BNC2: variants seen among roughly 807,000 people sequenced by gnomAD.
The protein encoded by BNC2 is basonuclin zinc finger protein 2, also known as zinc finger protein basonuclin-2.
In BNC2, 20 loss-of-function variants were observed where a neutral mutation model predicts 76.3. That is an observed-to-expected ratio of 0.26 (90% CI 0.18 to 0.38). The LOEUF (loss-of-function observed/expected upper bound fraction) is 0.38. Ranked by LOEUF, BNC2 falls within the 10% of genes least tolerant of loss-of-function variation. The pLI is 1.00. For synonymous variants in BNC2, 582 were observed against 514.8 expected (o/e 1.13, Z -1.77); for missense variants, 1,382 against 1,399.8 (o/e 0.99, Z 0.20).
chr9:16,846,172 A>G (rs899056953), intron 1 of BNC2, among the ~76,000 whole-genome samples: 1 of 151,986 alleles, frequency 6.6e-6, no homozygotes, highest in East Asian at 1.9e-4. Flanking sequence ...TTAGTATAAA[A>G]TTAAAAAGAG....
intron 3 of BNC2, among the ~76,000 whole-genome samples, chr9:16,595,471 T>A (rs1820040083): frequency 6.6e-6 from 1 of 152,142 alleles, no homozygotes; most frequent in Non-Finnish European, 1.5e-5. Flanking sequence ...CATAAATCAA[T>A]GAAGGCACAT....
chr9:16,710,175 T>C (rs751211917), intron 3 of BNC2, among the ~76,000 whole-genome samples: 2 of 152,058 alleles, frequency 1.3e-5, no homozygotes, highest in South Asian at 2.1e-4. Flanking sequence ...CTTCCCCTCC[T>C]ACACCTGGGC....
chr9:16,699,239 G>C (rs1447965965), intron 3 of BNC2: 1 of 469,806 alleles, frequency 2.1e-6, no homozygotes, highest in Non-Finnish European at 4.4e-6. Context: ...CCTAAATAAT[G>C]CAACAAAAAA....
chr9:16,544,901 G>T (rs1365581341), intron 5 of BNC2, among the ~76,000 whole-genome samples: 1 of 151,542 alleles, frequency 6.6e-6, no homozygotes, highest in African/African-American at 2.4e-5. Context: ...ATATTAATAA[G>T]AGTACTATGG....
chr9:16,792,330 A>G lies in BNC2; in HGVS notation c.4-53845T>C, dbSNP rs186119140. ...AGCAGTGAAGTCAGGATTTGAACTCAGGAAGTGTAACTCCGTAAGTGAAGT... is the reference window on the plus strand; with the variant it reads ...AGCAGTGAAGTCAGGATTTGAACTCGGGAAGTGTAACTCCGTAAGTGAAGT... On this transcript the variant is annotated intron_variant, in intron 1 of 6. Coordinates refer to ENST00000380672, the MANE Select transcript of BNC2 (RefSeq NM_017637.6). Among the ~76,000 whole-genome samples, 550 of 152,330 alleles carry G rather than the reference A, an allele frequency of 3.6e-3. 3 individuals are homozygous for G. Among genetic ancestry groups the G allele is most frequent in the African/African-American group, 0.012 (505 of 41,564 alleles).
chr9:16,456,331 A>G (rs1368387481), intron 5 of BNC2, among the ~76,000 whole-genome samples: 1 of 151,960 alleles, frequency 6.6e-6, no homozygotes, highest in Non-Finnish European at 1.5e-5. Flanking sequence ...TCTATGTTCA[A>G]TTTTCTTTGG....
At chr9:16,848,291 C>T (rs1819038718) in intron 1 of BNC2, among the ~76,000 whole-genome samples, 1 of 152,144 alleles carries the variant, frequency 6.6e-6, no homozygotes, top group South Asian at 2.1e-4. Flanking sequence ...AATGAAATTC[C>T]ATCGATGAAG....
intron 1 of BNC2, among the ~76,000 whole-genome samples, chr9:16,841,883 TAC>T: frequency 6.6e-6 from 1 of 151,678 alleles, no homozygotes; most frequent in Non-Finnish European, 1.5e-5. Context: ...AATCTCAGCT[TAC>T]TGCAACCTCC....
chr9:16,734,538 G>T (rs931420650), intron 2 of BNC2, among the ~76,000 whole-genome samples: 17 of 152,146 alleles, frequency 1.1e-4, no homozygotes, highest in African/African-American at 3.9e-4. Context: ...CCTTGACTGG[G>T]CATTTCAACA....
intron 1 of BNC2, among the ~76,000 whole-genome samples, chr9:16,838,495 A>G (rs1026822027): frequency 1.3e-5 from 2 of 152,188 alleles, no homozygotes; most frequent in African/African-American, 2.4e-5. Flanking sequence ...CCAGAAGCGG[A>G]GGTTGCAGTG....
chr9:16,512,559 TTGCATGA>T (rs1342454278), intron 5 of BNC2, among the ~76,000 whole-genome samples: 1 of 152,194 alleles, frequency 6.6e-6, no homozygotes, highest in Non-Finnish European at 1.5e-5. Flanking sequence ...AACTAACTTG[TTGCATGA>T]TGACAAAGGC....
chr9:16,564,528 C>A (rs1380021513), intron 4 of BNC2, among the ~76,000 whole-genome samples: 1 of 152,134 alleles, frequency 6.6e-6, no homozygotes, highest in Non-Finnish European at 1.5e-5. Flanking sequence ...CACCTGTGAT[C>A]ATTTGCCCCT....
chr9:16,866,352 T>C (rs1254369795), intron 1 of BNC2, among the ~76,000 whole-genome samples: 2 of 152,072 alleles, frequency 1.3e-5, no homozygotes, highest in Admixed American at 6.6e-5. Flanking sequence ...AAGTTGTATG[T>C]AGAACTACTC....
intron 1 of BNC2, among the ~76,000 whole-genome samples, chr9:16,789,861 A>C (rs111636280): frequency 6.6e-6 from 1 of 152,206 alleles, no homozygotes; most frequent in African/African-American, 2.4e-5. Flanking sequence ...ATGTTTCTTA[A>C]AGGCAGGTTT....
At chr9:16,553,277 G>A (rs533374691) in intron 4 of BNC2, among the ~76,000 whole-genome samples, 10 of 152,288 alleles carry the variant, frequency 6.6e-5, no homozygotes, top group Non-Finnish European at 1.0e-4. Context: ...TTCTTTAGAC[G>A]ACAGGGGTGA....
rs539815393 is a variant in BNC2 at position 16,843,427 on chromosome 9, C to T, written c.3+27219G>A. 2.0e-5 allele frequency among the ~76,000 whole-genome samples: 3 copies of T among 152,320 alleles called. No individual in the cohort carries two copies. The South Asian group carries it at 6.2e-4, about 32-fold the overall frequency. On this transcript the variant is annotated intron_variant, in intron 1 of 6. Transcript: ENST00000380672. ...CTTACTGCAAGCTCCGCCTCCCGGG[C>T]TCAAGCCTCAGCCTCCACTGCCTCA... is the stretch of plus-strand genomic sequence containing the variant.
At chr9:16,428,100 C>T (rs1233746368) in intron 6 of BNC2, among the ~76,000 whole-genome samples, 4 of 151,856 alleles carry the variant, frequency 2.6e-5, no homozygotes, top group African/African-American at 9.7e-5. Context: ...ATGTCAAGTC[C>T]TGGTAATAAA....
intron 1 of BNC2, among the ~76,000 whole-genome samples, chr9:16,827,007 T>A (rs1406234670): frequency 6.6e-6 from 1 of 152,242 alleles, no homozygotes; most frequent in Non-Finnish European, 1.5e-5. Context: ...TTTGGTTTAT[T>A]CCAGTTCCCA....
At chr9:16,754,783 C>T (rs1311416160) in intron 1 of BNC2, among the ~76,000 whole-genome samples, 2 of 152,192 alleles carry the variant, frequency 1.3e-5, no homozygotes, top group African/African-American at 4.8e-5. Context: ...CTCTCGAACT[C>T]CTCACCTCAG....
Sources: gnomAD v4.1 joint callset for allele counts (sites outside exome capture counted in the v4.1 genomes callset) on GRCh38, gnomAD v4.1.1 for gene constraint, MANE v1.5 for transcripts, NCBI Gene and HGNC (gene_info 2026-07-23, HGNC 2026-07-21) for gene names.